RRP7A: variants seen among roughly 807,000 people sequenced by gnomAD.
RRP7A encodes the protein ribosomal RNA processing 7 homolog A.
A neutral mutation model predicts 38.4 loss-of-function variants in RRP7A; 27 were observed. The ratio of observed to expected loss-of-function variants is 0.70; its 90% confidence interval spans 0.52 to 0.97. RRP7A has a LOEUF of 0.97. RRP7A is among the 50% of genes least tolerant of loss of function. The pLI is 0.00. For missense variants in RRP7A, 327 were observed against 375.4 expected (o/e 0.87, Z 1.07); for synonymous variants, 124 against 150.3 (o/e 0.83, Z 1.28).
At chr22:42,513,500 G>A (rs1175453096) in intron 6 of RRP7A, among the ~76,000 whole-genome samples, 1 of 110,798 alleles carries the variant, frequency 9.0e-6, no homozygotes, top group South Asian at 3.3e-4. Flanking sequence ...TGGGCGGGCG[G>A]CTCAGGGCCT....
At position 42,516,000 on chromosome 22, in the gene RRP7A, TGGC is replaced by T; in HGVS notation, c.342+8_342+10del. 1 of 1,583,704 alleles carries T rather than the reference TGGC, an allele frequency of 6.3e-7. No individual in the cohort carries two copies. The highest frequency in any genetic ancestry group is 8.6e-7 in the Non-Finnish European group (1 of 1,162,588). Reference sequence around the variant, plus strand: ...CCTCACTCTAGTGGAACCCCGGGCTTGGCGGCTCACCGGAACTGGCTTGGGATG... The same window carrying T: ...CCTCACTCTAGTGGAACCCCGGGCTTGGCTCACCGGAACTGGCTTGGGATG... On this transcript the variant is annotated splice_region_variant and intron_variant, in intron 3 of 6. Coordinates refer to ENST00000323013, the MANE Select transcript of RRP7A (RefSeq NM_015703.5).
chr22:42,515,899 A>G, intron 3 of RRP7A, 112 bp downstream of exon 3: 2 of 1,342,764 alleles, frequency 1.5e-6, no homozygotes, highest in Admixed American at 2.3e-5. Flanking sequence ...CACGGTGAGG[A>G]TGGGCTCAGG....
intron 2 of RRP7A, among the ~76,000 whole-genome samples, chr22:42,517,180 C>T (rs973757264): frequency 2.6e-5 from 4 of 151,694 alleles, no homozygotes; most frequent in African/African-American, 4.8e-5. Context: ...TGGGAGGCTG[C>T]GGCAGGAGAA....
chr22:42,519,418 G>T (rs1211626159), intron 1 of RRP7A, among the ~76,000 whole-genome samples: 1 of 152,222 alleles, frequency 6.6e-6, no homozygotes, highest in Non-Finnish European at 1.5e-5. Context: ...TCACCTGGAC[G>T]AGCGGGTGTG....
Position 42,519,789 on chromosome 22 carries a change from TG to T in RRP7A, c.-4del. 1 of 1,433,388 alleles carries T rather than the reference TG, an allele frequency of 7.0e-7. No homozygotes were observed. The highest frequency in any genetic ancestry group is 9.1e-7 in the Non-Finnish European group (1 of 1,096,056). The allele number at this position is 1,433,388 out of a possible 1,614,324, so 88.8% of individuals were successfully genotyped here. ...CACTTCCTCCTGCGCGCCACCATCT[TG>T]CCACCCGGGAGCGCGGGGGCCGCCG... On this transcript the variant is annotated 5_prime_UTR_variant, in exon 1 of 7. Transcript: ENST00000323013.
rs1267598245 is a variant in RRP7A, at chr22:42,517,990, C to T, written c.216+15G>A. The stretch of plus-strand genomic sequence containing the variant: ...TTGAGCCCACAGGTCTCCTCCCAGA[C>T]AGACACTAGCTCACCTCTGTGCAGT... On this transcript the variant is annotated intron_variant, in intron 2 of 6. Transcript: ENST00000323013. 1.9e-6 allele frequency: 3 copies of T among 1,610,458 alleles called. No homozygotes were observed. Among genetic ancestry groups the T allele is most frequent in the Non-Finnish European group, 1.7e-6 (2 of 1,178,226 alleles).
In RRP7A at chr22:42,512,421, G is replaced by C. The variant is rs1355404139; in HGVS notation, c.*489C>G. ...CTTCAACATCTGTGACCTCAAGGGG[G>C]AGACAGAGTCTGGGTTCCAGGGCTG... On this transcript the variant is annotated 3_prime_UTR_variant, in exon 7 of 7. Transcript: ENST00000323013. 1 of 620,054 alleles carries C rather than the reference G, an allele frequency of 1.6e-6. No homozygotes were observed. The highest frequency in any genetic ancestry group is 1.8e-5 in the African/African-American group (1 of 54,366). 38.4% of individuals were successfully genotyped at this position (620,054 alleles called of 1,614,324 possible).
chr22:42,517,883 C>A (rs1920935034), intron 2 of RRP7A, 122 bp downstream of exon 2: 6 of 1,168,954 alleles, frequency 5.1e-6, no homozygotes, highest in South Asian at 4.4e-5. Flanking sequence ...CGGTAGCCCT[C>A]CTGACACTCT....
intron 1 of RRP7A, among the ~76,000 whole-genome samples, chr22:42,518,384 A>G (rs1414958419): frequency 8.6e-5 from 13 of 150,798 alleles, no homozygotes; most frequent in African/African-American, 3.2e-4. Flanking sequence ...ATGGGCAATG[A>G]TTACAGATGG....
chr22:42,517,562 C>T (rs1305724567), intron 2 of RRP7A, among the ~76,000 whole-genome samples: 3 of 152,074 alleles, frequency 2.0e-5, no homozygotes, highest in Non-Finnish European at 4.4e-5. Context: ...CTCTGTTGCC[C>T]AGGCTGGAGT....
intron 2 of RRP7A, among the ~76,000 whole-genome samples, chr22:42,517,582 C>G (rs548652169): frequency 1.3e-5 from 2 of 151,950 alleles, no homozygotes; most frequent in Middle Eastern, 3.2e-3. Context: ...TGCAGTGGCG[C>G]GATCTTGGCT....
In RRP7A at chr22:42,515,971, C is replaced by T. The variant is rs375413431; in HGVS notation, c.342+40G>A. The T allele has an allele frequency of 3.2e-6, 5 of 1,553,258 alleles. No individual in the cohort carries two copies. The African/African-American group carries it at 6.8e-5, about 21-fold the overall frequency. On this transcript the variant is annotated intron_variant, in intron 3 of 6. Coordinates refer to ENST00000323013, the MANE Select transcript of RRP7A (RefSeq NM_015703.5). ...CCAACACACTGGGGACAGTGCCCCA[C>T]CCCCCTCACTCTAGTGGAACCCCGG...
At chr22:42,517,441 T>C (rs986410221) in intron 2 of RRP7A, among the ~76,000 whole-genome samples, 1 of 151,912 alleles carries the variant, frequency 6.6e-6, no homozygotes, top group Non-Finnish European at 1.5e-5. Flanking sequence ...ATTATGGACA[T>C]GTACAATCTG....
intron 5 of RRP7A, among the ~76,000 whole-genome samples, 187 bp downstream of exon 5, chr22:42,514,495 C>T (rs1920925137): frequency 6.6e-6 from 1 of 152,126 alleles, no homozygotes; most frequent in African/African-American, 2.4e-5. Flanking sequence ...GCCTCCTTCT[C>T]CACTGTAGGA....
At chr22:42,513,963 T>G (rs1162500629) in intron 6 of RRP7A, 143 bp downstream of exon 6, 2 of 726,688 alleles carry the variant, frequency 2.8e-6, no homozygotes, top group African/African-American at 3.5e-5. Flanking sequence ...TTCCACAGAG[T>G]CTGGTGCGAG....
rs1339761901 is a variant in RRP7A, at chr22:42,512,115, C to T, written c.*795G>A. 4 of 1,509,094 alleles carry T rather than the reference C, an allele frequency of 2.7e-6. No homozygotes were observed. The highest frequency in any genetic ancestry group is 3.7e-6 in the Non-Finnish European group (4 of 1,083,228). 93.5% of individuals were successfully genotyped at this position (1,509,094 alleles called of 1,614,324 possible). On this transcript the variant is annotated 3_prime_UTR_variant, in exon 7 of 7. Coordinates refer to ENST00000323013, the MANE Select transcript of RRP7A (RefSeq NM_015703.5). ...CTCACTACCCACCCCCTCCCCTCTC[C>T]AGCGGTTCCAGTTTGTGGAAGTCCC...
At chr22:42,516,660 T>C (rs1201689068) in intron 2 of RRP7A, among the ~76,000 whole-genome samples, 1 of 152,362 alleles carries the variant, frequency 6.6e-6, no homozygotes, top group Non-Finnish European at 1.5e-5. Context: ...CTTGCTGTTA[T>C]TCTGATTTCC....
At chr22:42,514,528 C>T (rs375727258) in intron 5 of RRP7A, 154 bp downstream of exon 5, 5 of 817,584 alleles carry the variant, frequency 6.1e-6, no homozygotes, top group Non-Finnish European at 9.9e-6. Context: ...ACATGTGTCA[C>T]CCAGCCAGGC....
At position 42,516,100 on chromosome 22, in the gene RRP7A, C is replaced by T. The variant is rs1812240; in HGVS notation, c.253G>A (p.Val85Ile). ...LSRLLSTCGL[V>I]QSVELQEKPD... is the part of the protein sequence containing the mutation. ...TTCTCCTGCAACTCTACAGACTGGA[C>T]GAGGCCACAGGTGGACAGGAGGCGG... Residue 85 changes from valine (V) to isoleucine (I), a missense_variant, in exon 3 of 7, where the codon GTC becomes ATC. Around this residue, in one of 5 missense-constraint regions of RRP7A, gnomAD observed 183 missense variants for 141.8 expected, o/e 1.29. Coordinates refer to ENST00000323013, the MANE Select transcript of RRP7A (RefSeq NM_015703.5). 0.075 allele frequency: 120,254 copies of T among 1,612,164 alleles called. 16,082 individuals carry two copies. Among genetic ancestry groups the T allele is most frequent in the East Asian group, 0.74 (32,779 of 44,592 alleles).
Sources: gnomAD v4.1 joint callset for allele counts (sites outside exome capture counted in the v4.1 genomes callset) on GRCh38, gnomAD v4.1.1 for gene constraint, gnomAD v4.1.1 regional missense constraint, MANE v1.5 for transcripts, NCBI Gene and HGNC (gene_info 2026-07-23, HGNC 2026-07-21) for gene names.